Variants in PREX1 observed in about 807,000 individuals in gnomAD.
PREX1 encodes phosphatidylinositol-3,4,5-trisphosphate dependent Rac exchange factor 1.
A neutral mutation model predicts 198.3 loss-of-function variants in PREX1; 41 were observed. That is an observed-to-expected ratio of 0.21 (90% CI 0.16 to 0.27). PREX1 has a LOEUF of 0.27. Among genes scored for constraint, PREX1 ranks in the 10% least tolerant of loss-of-function variants. PREX1 has a pLI of 1.00. For missense variants in PREX1, 1,620 were observed against 2,200.7 expected (o/e 0.74, Z 5.28); for synonymous variants, 843 against 887.2 (o/e 0.95, Z 0.89).
At chr20:48,730,997 A>G (rs1272264524) in intron 4 of PREX1, among the ~76,000 whole-genome samples, 1 of 152,184 alleles carries the variant, frequency 6.6e-6, no homozygotes. Context: ...CCCTATCTCA[A>G]AAAGCAAAAA....
chr20:48,805,565 C>A (rs2090408179), intron 1 of PREX1, among the ~76,000 whole-genome samples: 1 of 152,184 alleles, frequency 6.6e-6, no homozygotes, highest in Admixed American at 6.5e-5. Context: ...GTGCTGGCAG[C>A]GAATTAGGGA....
chr20:48,690,452 G>A (rs73148013), intron 9 of PREX1, among the ~76,000 whole-genome samples: 23,283 of 151,838 alleles, frequency 0.15, 2,145 homozygotes, highest in Middle Eastern at 0.28. Flanking sequence ...AAAACAGCCC[G>A]GTGCCTCCAC....
chr20:48,768,411 C>T (rs2090218819), intron 1 of PREX1, among the ~76,000 whole-genome samples: 1 of 152,148 alleles, frequency 6.6e-6, no homozygotes, highest in South Asian at 2.1e-4. Flanking sequence ...CGAAAGAAGC[C>T]AGACACAAAA....
At chr20:48,656,604 C>A (rs955090858) in intron 18 of PREX1, 3 of 454,084 alleles carry the variant, frequency 6.6e-6, no homozygotes, top group African/African-American at 2.0e-5. Context: ...TTGACTCCCC[C>A]CTCATCTGCT....
chr20:48,813,919 C>T (rs2090447795), intron 1 of PREX1, among the ~76,000 whole-genome samples: 1 of 152,222 alleles, frequency 6.6e-6, no homozygotes, highest in Non-Finnish European at 1.5e-5. Flanking sequence ...GACACCTCCA[C>T]TGTATTTACT....
intron 1 of PREX1, among the ~76,000 whole-genome samples, chr20:48,806,762 CT>C (rs1261059207): frequency 2.0e-5 from 3 of 152,184 alleles, no homozygotes; most frequent in African/African-American, 7.2e-5. Context: ...TTAATGAGCA[CT>C]GACTGTATGC....
intron 1 of PREX1, among the ~76,000 whole-genome samples, chr20:48,787,507 A>G (rs1363832514): frequency 6.6e-6 from 1 of 152,016 alleles, no homozygotes; most frequent in Non-Finnish European, 1.5e-5. Flanking sequence ...AATGTTTCAG[A>G]GGCCTGAGCA....
intron 1 of PREX1, among the ~76,000 whole-genome samples, chr20:48,785,547 G>A (rs1472446943): frequency 6.6e-6 from 1 of 152,248 alleles, no homozygotes; most frequent in African/African-American, 2.4e-5. Flanking sequence ...CTCATCCACA[G>A]AGCCTGGCAC....
Position 48,644,460 on chromosome 20 carries a change from T to A in PREX1, c.3550A>T (p.Thr1184Ser). Residue 1184 changes from threonine (T) to serine (S), a missense_variant, in exon 27 of 40, where the codon ACC becomes TCC. By Grantham distance (58) the Thr-to-Ser change is moderately conservative (BLOSUM62 1). This residue lies in a region of PREX1 where 29 missense variants were observed against 26.1 expected (regional missense o/e 1.11). Transcript: ENST00000371941. ...TAGGAGCTGTTACTTCTCACGCTGG[T>A]GTAGGACAGGACCGAGTCTCGATTG... Reference protein sequence around the residue: ...NSNRDSVLSYTSVRSNSSYLG... With the variant: ...NSNRDSVLSYSSVRSNSSYLG... 1 of 1,613,960 alleles carries A rather than the reference T, an allele frequency of 6.2e-7. No homozygotes were observed. The highest frequency in any genetic ancestry group is 8.5e-7 in the Non-Finnish European group (1 of 1,179,898).
chr20:48,670,247 G>T (rs966017934), intron 14 of PREX1, among the ~76,000 whole-genome samples: 1 of 152,110 alleles, frequency 6.6e-6, no homozygotes, highest in African/African-American at 2.4e-5. Context: ...TCTTCTCCCA[G>T]TAGTACCTCA....
At chr20:48,721,173 AG>A (rs1271164213) in intron 5 of PREX1, among the ~76,000 whole-genome samples, 1 of 152,184 alleles carries the variant, frequency 6.6e-6, no homozygotes, top group African/African-American at 2.4e-5. Context: ...ATAAGTGACC[AG>A]GGGTATCTAC....
rs765768685 is a variant in PREX1, at chr20:48,691,040, C to T, written c.1093G>A (p.Ala365Thr). Reference protein sequence around the residue: ...VTNGWKIHNTAKNKWFVCMAK... With the variant: ...VTNGWKIHNTTKNKWFVCMAK... ...ATGCAGACAAACCACTTATTCTTGGCCGTGTTGTGGATCTTCCAGCCGTTG... is the reference window on the plus strand; with the variant it reads ...ATGCAGACAAACCACTTATTCTTGGTCGTGTTGTGGATCTTCCAGCCGTTG... The change falls in exon 9 of 40, where the codon GCC becomes ACC. Residue 365 changes from alanine to threonine, a missense_variant. Transcript: ENST00000371941. This position sits in a 1 kb window ranked among gnomAD's most constrained non-coding sequence, Gnocchi z 5.0. 1 of 1,614,240 alleles carries T rather than the reference C, an allele frequency of 6.2e-7. No homozygotes were observed. Among genetic ancestry groups the T allele is most frequent in the East Asian group, 2.2e-5 (1 of 44,878 alleles).
At chr20:48,719,616 C>G (rs117987932) in intron 5 of PREX1, among the ~76,000 whole-genome samples, 1 of 152,222 alleles carries the variant, frequency 6.6e-6, no homozygotes, top group East Asian at 1.9e-4. Context: ...AAAGAGATAA[C>G]CCAAAGTATC....
At chr20:48,732,761 G>T (rs1043004745) in intron 4 of PREX1, among the ~76,000 whole-genome samples, 21 of 152,202 alleles carry the variant, frequency 1.4e-4, no homozygotes, top group African/African-American at 4.6e-4. Flanking sequence ...GGATCTAGGG[G>T]TGACCATGTG....
At chr20:48,739,139 A>G (rs1454604203) in intron 3 of PREX1, among the ~76,000 whole-genome samples, 3 of 151,998 alleles carry the variant, frequency 2.0e-5, no homozygotes, top group East Asian at 1.9e-4. Context: ...AACTCTCTCT[A>G]TCACTCACTC....
chr20:48,763,112 G>A (rs1039208382), intron 1 of PREX1, among the ~76,000 whole-genome samples: 1 of 152,242 alleles, frequency 6.6e-6, no homozygotes, highest in African/African-American at 2.4e-5. Flanking sequence ...TGGGTAAACT[G>A]TATGGTGGTA....
At chr20:48,876,874 T>G in the PREX1 span, among the ~76,000 whole-genome samples, 1 of 152,196 alleles carries the variant, frequency 6.6e-6, no homozygotes, top group Non-Finnish European at 1.5e-5. Context: ...TATCTGAATC[T>G]GGACCCAAGC....
At chr20:48,775,864 T>C (rs1202924074) in intron 1 of PREX1, among the ~76,000 whole-genome samples, 1 of 152,162 alleles carries the variant, frequency 6.6e-6, no homozygotes, top group African/African-American at 2.4e-5. Flanking sequence ...CTTTTGTAAA[T>C]TGCCCAGTGT....
At chr20:48,854,217 T>C in the PREX1 span, among the ~76,000 whole-genome samples, 1 of 152,034 alleles carries the variant, frequency 6.6e-6, no homozygotes, top group Non-Finnish European at 1.5e-5. Context: ...CAAGAGGTGA[T>C]TACTCCCCAC....
Sources: gnomAD v4.1 joint callset for allele counts (sites outside exome capture counted in the v4.1 genomes callset) on GRCh38, gnomAD v4.1.1 for gene constraint, gnomAD v4.1.1 regional missense constraint, Gnocchi (gnomAD v3.1) non-coding constraint, MANE v1.5 for transcripts, NCBI Gene and HGNC (gene_info 2026-07-23, HGNC 2026-07-21) for gene names.